Variants in HACE1 observed in about 807,000 individuals in gnomAD.
The protein encoded by HACE1 is HECT domain and ankyrin repeat containing E3 ubiquitin protein ligase 1.
A neutral mutation model predicts 118.4 loss-of-function variants in HACE1; 73 were observed. That is an observed-to-expected ratio of 0.62 (90% CI 0.51 to 0.75). The LOEUF is 0.75. Among genes scored for constraint, HACE1 ranks in the 30% least tolerant of loss-of-function variants. HACE1 has a pLI of 0.00. For missense variants in HACE1, 749 were observed against 1,102.2 expected (o/e 0.68, Z 4.54); for synonymous variants, 368 against 374.8 (o/e 0.98, Z 0.21).
Position 104,772,045 on chromosome 6 carries a change from A to G in HACE1, c.1894T>C (p.Tyr632His), listed in dbSNP as rs1328095754. 8.7e-6 allele frequency: 14 copies of G among 1,604,418 alleles called. No individual in the cohort carries two copies. In the Admixed American group the frequency reaches 1.8e-4, roughly 21 times the overall value. ...GTTFQPNSNS[Y>H]VNPDHLNYFR... The stretch of plus-strand genomic sequence containing the variant: ...TAGTTCAAGTGATCAGGATTTACAT[A>G]AGAGTTGCTATTAGGCTGAAAAGTT... The change falls in exon 18 of 24, where the codon TAT becomes CAT. Residue 632 changes from tyrosine to histidine, a missense_variant. Tyr to His is a moderately conservative substitution (Grantham distance 83, BLOSUM62 2). Coordinates refer to ENST00000262903, the MANE Select transcript of HACE1 (RefSeq NM_020771.4).
In HACE1 at chr6:104,729,340, C is replaced by G. The variant is rs986625214; in HGVS notation, c.*322G>C. On this transcript the variant is annotated 3_prime_UTR_variant, in exon 24 of 24. Coordinates refer to ENST00000262903, the MANE Select transcript of HACE1 (RefSeq NM_020771.4). ...CCCTTTTAACAAGACAGTTACATAG[C>G]AGAGGTGGAATGTAGAATCAGATTT... 3.3e-6 allele frequency: 1 copy of G among 305,878 alleles called. No individual in the cohort carries two copies. Among genetic ancestry groups the G allele is most frequent in the Non-Finnish European group, 6.2e-6 (1 of 161,014 alleles). 18.9% of individuals were successfully genotyped at this position (305,878 alleles called of 1,614,324 possible). A position where few individuals can be genotyped will look rare whatever the true frequency, so the allele number is the denominator to read the frequency against.
chr6:104,791,692 C>A, intron 10 of HACE1, 38 bp from the exon 11 acceptor site: 2 of 1,308,144 alleles, frequency 1.5e-6, no homozygotes, highest in Non-Finnish European at 2.2e-6. Flanking sequence ...TAGAGTAAAA[C>A]AAATTACATA....
chr6:104,827,145 T>C (rs574561108), intron 6 of HACE1, among the ~76,000 whole-genome samples: 1 of 152,260 alleles, frequency 6.6e-6, no homozygotes, highest in South Asian at 2.1e-4. Flanking sequence ...CCCAATACAC[T>C]GATAAATTAC....
At chr6:104,856,147 G>T (rs1470770442) in intron 1 of HACE1, among the ~76,000 whole-genome samples, 1 of 152,090 alleles carries the variant, frequency 6.6e-6, no homozygotes, top group African/African-American at 2.4e-5. Context: ...TATAATTAAA[G>T]TCTCCAGGGT....
At chr6:104,810,825 A>AT (rs975771390) in intron 7 of HACE1, among the ~76,000 whole-genome samples, 1 of 151,530 alleles carries the variant, frequency 6.6e-6, no homozygotes, top group African/African-American at 2.4e-5. Flanking sequence ...CTGACTCAAG[A>AT]TTTTTTTTTG....
intron 5 of HACE1, among the ~76,000 whole-genome samples, chr6:104,838,220 A>T (rs1006082681): frequency 2.0e-5 from 3 of 152,336 alleles, no homozygotes; most frequent in East Asian, 3.9e-4. Flanking sequence ...TAAAATTTAT[A>T]TGGAATCACA....
At chr6:104,844,337 C>T (rs545524710) in intron 4 of HACE1, among the ~76,000 whole-genome samples, 38 of 146,156 alleles carry the variant, frequency 2.6e-4, no homozygotes, top group African/African-American at 9.7e-4. Flanking sequence ...GGTGGCCCAT[C>T]ATAAACATTT....
Position 104,728,108 on chromosome 6 carries a change from T to G in HACE1, c.*1554A>C, listed in dbSNP as rs1405065853. 1 of 152,128 alleles carries G rather than the reference T, an allele frequency of 6.6e-6. No individual in the cohort carries two copies. Among genetic ancestry groups the G allele is most frequent in the Admixed American group, 6.6e-5 (1 of 15,250 alleles). 9.4% of individuals were successfully genotyped at this position (152,128 alleles called of 1,614,324 possible). The stretch of plus-strand genomic sequence containing the variant: ...AGCCACCACACTCAGTTATTTAATA[T>G]TTTATTATCTATCTCTTTTACATAA... On this transcript the variant is annotated 3_prime_UTR_variant, in exon 24 of 24. Transcript: ENST00000262903.
chr6:104,790,122 A>C (rs1365532046), intron 11 of HACE1, among the ~76,000 whole-genome samples: 1 of 152,126 alleles, frequency 6.6e-6, no homozygotes, highest in Non-Finnish European at 1.5e-5. Flanking sequence ...ACACACATAC[A>C]TATATGGCTA....
At chr6:104,746,824 G>C (rs1421842194) in intron 20 of HACE1, among the ~76,000 whole-genome samples, 1 of 152,168 alleles carries the variant, frequency 6.6e-6, no homozygotes, top group Non-Finnish European at 1.5e-5. Context: ...CAGGCTTTAC[G>C]CATGTCTTAC....
chr6:104,739,401 T>C (rs956898294), intron 22 of HACE1, among the ~76,000 whole-genome samples: 9 of 152,120 alleles, frequency 5.9e-5, no homozygotes, highest in African/African-American at 9.7e-5. Context: ...GACCCATCAG[T>C]GTGCTGTATT....
At chr6:104,847,965 C>T (rs1775822422) in intron 4 of HACE1, among the ~76,000 whole-genome samples, 1 of 151,816 alleles carries the variant, frequency 6.6e-6, no homozygotes, top group Admixed American at 6.6e-5. Context: ...AATTTTCATG[C>T]CTCAGCCTCC....
intron 7 of HACE1, among the ~76,000 whole-genome samples, chr6:104,801,306 C>A (rs962498785): frequency 1.3e-5 from 2 of 152,082 alleles, no homozygotes; most frequent in African/African-American, 4.8e-5. Flanking sequence ...GGATATTATC[C>A]AGGAGGACTT....
At chr6:104,816,956 G>A (rs1772183396) in intron 6 of HACE1, among the ~76,000 whole-genome samples, 1 of 152,116 alleles carries the variant, frequency 6.6e-6, no homozygotes, top group South Asian at 2.1e-4. Context: ...GACTTGCATG[G>A]GGCCTGTAGC....
intron 7 of HACE1, among the ~76,000 whole-genome samples, chr6:104,810,321 T>C (rs1771463781): frequency 6.6e-6 from 1 of 151,900 alleles, no homozygotes; most frequent in South Asian, 2.1e-4. Context: ...TGAATTGGTC[T>C]CATCAAAGGC....
At chr6:104,752,494 G>T (rs945336414) in intron 19 of HACE1, among the ~76,000 whole-genome samples, 3 of 151,624 alleles carry the variant, frequency 2.0e-5, no homozygotes, top group African/African-American at 7.3e-5. Flanking sequence ...TATTTTTTAA[G>T]ATGCCAGGAA....
Position 104,729,841 on chromosome 6 carries a change from C to T in HACE1, c.2628-77G>A, listed in dbSNP as rs58671472. On this transcript the variant is annotated intron_variant, in intron 23 of 23. Coordinates refer to ENST00000262903, the MANE Select transcript of HACE1 (RefSeq NM_020771.4). ...ATTGTTTTGCCTAGCAGTGAAAACA[C>T]TACTCATAATTAACATAAAATCATC... 6.2e-3 allele frequency: 4,618 copies of T among 743,118 alleles called. 137 individuals are homozygous for T. The African/African-American group carries it at 0.069, about 11-fold the overall frequency. The allele number at this position is 743,118 out of a possible 1,614,324, so 46.0% of individuals were successfully genotyped here. A position where few individuals can be genotyped will look rare whatever the true frequency, so the allele number is the denominator to read the frequency against.
At chr6:104,756,749 A>C (rs1368287925) in intron 19 of HACE1, among the ~76,000 whole-genome samples, 1 of 152,152 alleles carries the variant, frequency 6.6e-6, no homozygotes, top group Non-Finnish European at 1.5e-5. Context: ...GTGTCGTTTC[A>C]CCCGGGAAGC....
intron 5 of HACE1, among the ~76,000 whole-genome samples, chr6:104,839,842 C>A (rs955628108): frequency 5.9e-5 from 9 of 152,064 alleles, no homozygotes; most frequent in Non-Finnish European, 1.2e-4. Flanking sequence ...CCCATCTCTA[C>A]TAAAAATGCA....
Sources: allele counts gnomAD v4.1 joint callset (sites outside exome capture counted in the v4.1 genomes callset), GRCh38; gene constraint gnomAD v4.1.1; transcripts MANE v1.5; gene names NCBI Gene and HGNC (gene_info 2026-07-23, HGNC 2026-07-21).